Variants in SUGCT observed in about 807,000 individuals in gnomAD.
The protein encoded by SUGCT is succinyl-CoA:glutarate CoA-transferase.
In SUGCT, 41 loss-of-function variants were observed where a neutral mutation model predicts 55.0. That is an observed-to-expected ratio of 0.74 (90% CI 0.58 to 0.97). The LOEUF (loss-of-function observed/expected upper bound fraction) is 0.97. SUGCT is among the 50% of genes least tolerant of loss of function. SUGCT has a pLI of 0.00. For missense variants in SUGCT, 568 were observed against 547.8 expected (o/e 1.04, Z -0.37); for synonymous variants, 187 against 200.4 (o/e 0.93, Z 0.56).
chr7:40,998,325 T>C, the SUGCT span, among the ~76,000 whole-genome samples: 2 of 151,754 alleles, frequency 1.3e-5, no homozygotes, highest in African/African-American at 4.8e-5. Flanking sequence ...TGAGCCGAGA[T>C]TGCACCACTG....
chr7:40,456,172 C>T (rs1164489311), intron 10 of SUGCT, among the ~76,000 whole-genome samples: 15 of 151,808 alleles, frequency 9.9e-5, no homozygotes, highest in Non-Finnish European at 1.5e-5. Flanking sequence ...ATTACAGGCA[C>T]CCACCGTCAT....
intron 11 of SUGCT, among the ~76,000 whole-genome samples, chr7:40,462,891 TAAC>T (rs754871692): frequency 6.6e-6 from 1 of 152,208 alleles, no homozygotes; most frequent in Non-Finnish European, 1.5e-5. Context: ...TTTTTCATAA[TAAC>T]CACTTAAAAA....
At position 40,249,343 on chromosome 7, in the gene SUGCT, ATAT is replaced by A. The variant is rs1562612313; in HGVS notation, c.576+11618_576+11620del. Among the ~76,000 whole-genome samples the A allele has an allele frequency of 5.5e-3, 684 of 124,090 alleles. 24 individuals are homozygous for A. The highest frequency in any genetic ancestry group is 0.02 in the African/African-American group (655 of 33,272). The allele number at this position is 124,090 out of a possible 152,430, so 81.4% of individuals were successfully genotyped here. A position where few individuals can be genotyped will look rare whatever the true frequency, so the allele number is the denominator to read the frequency against. ...TATATATATATATATATATATATAT[ATAT>A]AATTATATTATATAGAATATATTAT... is the stretch of plus-strand genomic sequence containing the variant. On this transcript the variant is annotated intron_variant, in intron 7 of 13. Coordinates refer to ENST00000335693, the MANE Select transcript of SUGCT (RefSeq NM_001193313.2).
chr7:40,140,646 G>C (rs972005817), intron 1 of SUGCT, among the ~76,000 whole-genome samples: 1 of 151,144 alleles, frequency 6.6e-6, no homozygotes, highest in African/African-American at 2.5e-5. Context: ...TGATCCGCCT[G>C]TCTTGGCCTC....
At chr7:40,341,061 G>T (rs1426654164) in intron 9 of SUGCT, among the ~76,000 whole-genome samples, 3 of 152,136 alleles carry the variant, frequency 2.0e-5, no homozygotes. Context: ...GGGAATAAAT[G>T]GATCTAAATG....
intron 9 of SUGCT, among the ~76,000 whole-genome samples, chr7:40,336,829 A>G (rs1382777651): frequency 1.3e-5 from 2 of 151,712 alleles, no homozygotes; most frequent in Non-Finnish European, 1.5e-5. Flanking sequence ...TAGTTCTTTT[A>G]ATTGTGATGT....
chr7:40,938,446 C>T, the SUGCT span, among the ~76,000 whole-genome samples: 2 of 151,606 alleles, frequency 1.3e-5, no homozygotes, highest in African/African-American at 2.4e-5. Flanking sequence ...TAATTTATAA[C>T]AACCTAATTT....
At chr7:40,532,303 C>T (rs777233903) in intron 12 of SUGCT, among the ~76,000 whole-genome samples, 2 of 152,158 alleles carry the variant, frequency 1.3e-5, no homozygotes, top group Non-Finnish European at 2.9e-5. Flanking sequence ...CCTTATACTC[C>T]TTGAGTGACC....
the SUGCT span, among the ~76,000 whole-genome samples, chr7:40,919,048 A>G: frequency 2.6e-5 from 4 of 152,326 alleles, no homozygotes; most frequent in South Asian, 8.3e-4. Context: ...AGCGCCATCC[A>G]CTTAGCTGCT....
chr7:40,220,086 C>T (rs76644942), intron 6 of SUGCT, among the ~76,000 whole-genome samples: 5,055 of 152,264 alleles, frequency 0.033, 266 homozygotes, highest in African/African-American at 0.11. Context: ...TAATCCTTTG[C>T]ACCAATGATG....
At chr7:40,550,787 A>T (rs910926249) in intron 12 of SUGCT, among the ~76,000 whole-genome samples, 1 of 152,018 alleles carries the variant, frequency 6.6e-6, no homozygotes, top group African/African-American at 2.4e-5. Context: ...TTTTACTCTC[A>T]TTGTGTCTTT....
intron 8 of SUGCT, among the ~76,000 whole-genome samples, chr7:40,275,498 T>C (rs964350388): frequency 1.3e-5 from 2 of 152,200 alleles, no homozygotes; most frequent in Non-Finnish European, 2.9e-5. Flanking sequence ...GTAACACTAT[T>C]ATAATTTTGA....
At chr7:40,340,922 G>C (rs1434450695) in intron 9 of SUGCT, among the ~76,000 whole-genome samples, 5 of 152,186 alleles carry the variant, frequency 3.3e-5, no homozygotes, top group Admixed American at 3.3e-4. Context: ...TTGAAGCAAA[G>C]AGGTGAGGTA....
chr7:40,277,347 A>G (rs1377286035), intron 8 of SUGCT, among the ~76,000 whole-genome samples: 1 of 135,866 alleles, frequency 7.4e-6, no homozygotes, highest in African/African-American at 3.0e-5. Flanking sequence ...ACTCCTGGCT[A>G]ATTTTTTTTT....
rs551030653 is a variant in SUGCT, at chr7:40,488,949, A to C, written c.987-7335A>C. Among the ~76,000 whole-genome samples, 140 of 152,210 alleles carry C rather than the reference A, an allele frequency of 9.2e-4. 1 individual carries two copies. The highest frequency in any genetic ancestry group is 3.2e-3 in the African/African-American group (134 of 41,518). On this transcript the variant is annotated intron_variant, in intron 11 of 13. Transcript: ENST00000335693. ...TTATAATATATATTTGGTTAGCCTG[A>C]TTTTGATGAAATCTGTTTGGAGATC...
chr7:40,641,772 G>A (rs900269027), intron 12 of SUGCT, among the ~76,000 whole-genome samples: 1 of 152,134 alleles, frequency 6.6e-6, no homozygotes, highest in African/African-American at 2.4e-5. Flanking sequence ...AGGAGAGTGC[G>A]TTTCAGGTTT....
chr7:40,603,074 A>C (rs1256149036), intron 12 of SUGCT, among the ~76,000 whole-genome samples: 4 of 152,214 alleles, frequency 2.6e-5, no homozygotes. Flanking sequence ...GGATGAATTA[A>C]ATATATTCTT....
intron 1 of SUGCT, chr7:40,151,775 TAC>T (rs1352598092): frequency 3.9e-5 from 6 of 153,734 alleles, no homozygotes; most frequent in Non-Finnish European, 8.8e-5. Flanking sequence ...GTGGCCCAGA[TAC>T]AGTTTAATTC....
At chr7:40,593,143 G>A (rs926662364) in intron 12 of SUGCT, among the ~76,000 whole-genome samples, 1 of 152,142 alleles carries the variant, frequency 6.6e-6, no homozygotes, top group Non-Finnish European at 1.5e-5. Context: ...AAACTTAAGA[G>A]TTCAGAGTCA....
Sources: gnomAD v4.1 joint callset for allele counts (sites outside exome capture counted in the v4.1 genomes callset) on GRCh38, gnomAD v4.1.1 for gene constraint, MANE v1.5 for transcripts, NCBI Gene and HGNC (gene_info 2026-07-23, HGNC 2026-07-21) for gene names.